Variants in FILIP1L observed in about 807,000 individuals in gnomAD.
FILIP1L encodes the protein filamin A-interacting protein 1-like.
In FILIP1L, 55 loss-of-function variants were observed where a neutral mutation model predicts 96.6. That is an observed-to-expected ratio of 0.57 (90% CI 0.46 to 0.71). FILIP1L has a LOEUF of 0.71. Among genes scored for constraint, FILIP1L ranks in the 30% least tolerant of loss-of-function variants. FILIP1L has a pLI of 0.00. For synonymous variants in FILIP1L, 467 were observed against 473.9 expected (o/e 0.99, Z 0.19); for missense variants, 1,304 against 1,321.2 (o/e 0.99, Z 0.20).
At chr3:99,897,132 G>C (rs561436834) in intron 4 of FILIP1L, among the ~76,000 whole-genome samples, 2 of 152,248 alleles carry the variant, frequency 1.3e-5, no homozygotes, top group South Asian at 4.1e-4. Flanking sequence ...GCAGAGGTGG[G>C]CAGATCACTT....
At chr3:99,961,878 T>G (rs1366284573) in intron 1 of FILIP1L, among the ~76,000 whole-genome samples, 2 of 145,698 alleles carry the variant, frequency 1.4e-5, no homozygotes, top group Admixed American at 1.4e-4. Flanking sequence ...CGGGTATGCA[T>G]TAGACACAGC....
chr3:100,096,789 A>G (rs918548713), intron 1 of FILIP1L, among the ~76,000 whole-genome samples: 4 of 152,224 alleles, frequency 2.6e-5, no homozygotes, highest in African/African-American at 9.6e-5. Context: ...TGTAACACAA[A>G]GGATAAATGT....
intron 1 of FILIP1L, among the ~76,000 whole-genome samples, chr3:99,950,491 A>G (rs940584519): frequency 6.6e-6 from 1 of 152,220 alleles, no homozygotes; most frequent in Non-Finnish European, 1.5e-5. Context: ...TCACTTCTTT[A>G]TATTATCTTC....
chr3:100,042,863 G>A (rs190665972), intron 1 of FILIP1L, among the ~76,000 whole-genome samples: 38 of 152,330 alleles, frequency 2.5e-4, no homozygotes, highest in African/African-American at 9.1e-4. Context: ...ATGGATTGAA[G>A]GAGAGGAATA....
chr3:99,882,833 G>A (rs576148876), intron 4 of FILIP1L, among the ~76,000 whole-genome samples: 1 of 152,234 alleles, frequency 6.6e-6, no homozygotes, highest in Admixed American at 6.5e-5. Flanking sequence ...TCTACTTTAT[G>A]GATTAGAAAT....
At chr3:100,101,317 C>G (rs989144289) in intron 1 of FILIP1L, among the ~76,000 whole-genome samples, 1 of 152,128 alleles carries the variant, frequency 6.6e-6, no homozygotes, top group Non-Finnish European at 1.5e-5. Context: ...GCATTGACTT[C>G]GTTGACTGAG....
At chr3:100,040,596 G>A (rs1325773967) in intron 1 of FILIP1L, 1 of 152,124 alleles carries the variant, frequency 6.6e-6, no homozygotes, top group Non-Finnish European at 1.5e-5. Context: ...GACTGAACAG[G>A]CCCTTATATA....
In FILIP1L at chr3:99,929,836, A is replaced by C. The variant is rs1326248872; in HGVS notation, c.426+20T>G. The C allele has an allele frequency of 1.3e-6, 2 of 1,576,182 alleles. No homozygotes were observed. The highest frequency in any genetic ancestry group is 2.4e-5 in the South Asian group (2 of 84,748). On this transcript the variant is annotated intron_variant, in intron 3 of 5. Coordinates refer to ENST00000477258, the MANE Select transcript of FILIP1L (RefSeq NM_001387850.1). ...GTGCTTGGCTGCCTCCCAGGTACAC[A>C]CCCCTATTGTGGTACATACCTCATT... is the stretch of plus-strand genomic sequence containing the variant.
rs188039221 is a variant in FILIP1L, at chr3:99,935,942, A to G, written c.-10-4912T>C. 3.7e-3 allele frequency among the ~76,000 whole-genome samples: 562 copies of G among 152,316 alleles called. 3 individuals are homozygous for G. Among genetic ancestry groups the G allele is most frequent in the Non-Finnish European group, 5.4e-3 (366 of 68,028 alleles). ...AATGGCCAAATGTAAATAGAAGTCTATTCTACTCATTACCTTCCTCCAGCA... is the reference window on the plus strand; with the variant it reads ...AATGGCCAAATGTAAATAGAAGTCTGTTCTACTCATTACCTTCCTCCAGCA... On this transcript the variant is annotated intron_variant, in intron 1 of 5. Coordinates refer to ENST00000477258, the MANE Select transcript of FILIP1L (RefSeq NM_001387850.1).
intron 5 of FILIP1L, among the ~76,000 whole-genome samples, chr3:99,846,726 A>T (rs1364937743): frequency 6.6e-6 from 1 of 152,304 alleles, no homozygotes; most frequent in East Asian, 1.9e-4. Flanking sequence ...CATGAAATTG[A>T]TTTTGTAGGG....
chr3:99,901,842 A>T (rs1202813356), intron 4 of FILIP1L, among the ~76,000 whole-genome samples: 1 of 152,118 alleles, frequency 6.6e-6, no homozygotes, highest in Non-Finnish European at 1.5e-5. Context: ...ACACATTTTT[A>T]AGATTTATAC....
chr3:99,984,868 T>C (rs1196474507), intron 1 of FILIP1L, among the ~76,000 whole-genome samples: 1 of 152,142 alleles, frequency 6.6e-6, no homozygotes, highest in Non-Finnish European at 1.5e-5. Flanking sequence ...CAAAGCACAG[T>C]ATATAGATAT....
At chr3:99,904,468 A>G (rs1706546234) in intron 4 of FILIP1L, among the ~76,000 whole-genome samples, 1 of 152,234 alleles carries the variant, frequency 6.6e-6, no homozygotes, top group Admixed American at 6.5e-5. Flanking sequence ...TTTTAAAAAT[A>G]TATTTACTAT....
At position 99,849,486 on chromosome 3, in the gene FILIP1L, C is replaced by T. The variant is rs1310310530; in HGVS notation, c.2190G>A (p.Met730Ile). 1 of 1,613,402 alleles carries T rather than the reference C, an allele frequency of 6.2e-7. No homozygotes were observed. The highest frequency in any genetic ancestry group is 8.5e-7 in the Non-Finnish European group (1 of 1,179,906). The change falls in exon 5 of 6, where the codon ATG becomes ATA. Residue 730 changes from methionine to isoleucine, a missense_variant. Transcript: ENST00000477258. ...GGTGACATATTAGGTCTTCAGTTGC[C>T]ATGTATTCATGAATTTTCTCTTTTA... ...DALKEKIHEY[M>I]ATEDLICHLQ... is the part of the protein sequence containing the mutation.
At chr3:100,034,577 C>A (rs767612545) in intron 1 of FILIP1L, among the ~76,000 whole-genome samples, 1 of 152,156 alleles carries the variant, frequency 6.6e-6, no homozygotes, top group Non-Finnish European at 1.5e-5. Context: ...GAATTGGCTG[C>A]TTTTGGTCAT....
intron 1 of FILIP1L, among the ~76,000 whole-genome samples, chr3:100,093,117 G>T (rs1368171101): frequency 6.6e-6 from 1 of 152,004 alleles, no homozygotes; most frequent in African/African-American, 2.4e-5. Context: ...GAAAAGGTTA[G>T]CTCATTTTAA....
chr3:100,075,747 TC>T (rs1367469973), intron 1 of FILIP1L: 1 of 152,186 alleles, frequency 6.6e-6, no homozygotes, highest in Non-Finnish European at 1.5e-5. Flanking sequence ...GAGAATTTCA[TC>T]CCACAGTGAT....
intron 1 of FILIP1L, among the ~76,000 whole-genome samples, chr3:100,097,185 T>C (rs554555385): frequency 6.6e-5 from 10 of 152,276 alleles, no homozygotes; most frequent in Non-Finnish European, 1.0e-4. Flanking sequence ...ACATGCTCCT[T>C]ATGAGAAAGA....
At chr3:99,837,258 C>T (rs938953492) in intron 5 of FILIP1L, among the ~76,000 whole-genome samples, 1 of 152,108 alleles carries the variant, frequency 6.6e-6, no homozygotes, top group Non-Finnish European at 1.5e-5. Flanking sequence ...CTATCTGCCT[C>T]TTGTGTTATG....
Sources: gnomAD v4.1 joint callset for allele counts (sites outside exome capture counted in the v4.1 genomes callset) on GRCh38, gnomAD v4.1.1 for gene constraint, MANE v1.5 for transcripts, NCBI Gene and HGNC (gene_info 2026-07-23, HGNC 2026-07-21) for gene names.